Variants in MSMO1 observed in about 807,000 individuals in gnomAD.
The protein encoded by MSMO1 is methylsterol monooxygenase 1, also known as C-4 methylsterol oxidase.
A neutral mutation model predicts 30.4 loss-of-function variants in MSMO1; 18 were observed. That is an observed-to-expected ratio of 0.59 (90% CI 0.41 to 0.88). MSMO1 has a LOEUF of 0.88. Ranked by LOEUF, MSMO1 falls within the 40% of genes least tolerant of loss-of-function variation. The pLI, the probability that MSMO1 is intolerant of heterozygous loss-of-function variation, is 0.00. For synonymous variants in MSMO1, 84 were observed against 107.9 expected (o/e 0.78, Z 1.37); for missense variants, 284 against 340.5 (o/e 0.83, Z 1.31).
chr4:165,339,096 C>CTTTTTTTTTTTTTTTTTTT lies in MSMO1; in HGVS notation c.531+325_531+343dup, dbSNP rs869192459. On this transcript the variant is annotated intron_variant, in intron 4 of 5. Transcript: ENST00000261507. Reference sequence around the variant, plus strand: ...AAAACAGTAACTTCTATGAGCACTGCTTTTTTTTTTTTTTTTTTTTTTTTT... The same window carrying CTTTTTTTTTTTTTTTTTTT: ...AAAACAGTAACTTCTATGAGCACTGCTTTTTTTTTTTTTTTTTTTTTTTTTTTTTTTTTTTTTTTTTTTT... Among the ~76,000 whole-genome samples, 4 of 60,522 alleles carry CTTTTTTTTTTTTTTTTTTT rather than the reference C, an allele frequency of 6.6e-5. 1 individual carries two copies. Among genetic ancestry groups the CTTTTTTTTTTTTTTTTTTT allele is most frequent in the Non-Finnish European group, 1.1e-4 (4 of 36,678 alleles). The allele number at this position is 60,522 out of a possible 152,430, so 39.7% of individuals were successfully genotyped here. A position where few individuals can be genotyped will look rare whatever the true frequency, so the allele number is the denominator to read the frequency against.
chr4:165,331,578 G>A (rs1483548636), intron 1 of MSMO1, among the ~76,000 whole-genome samples: 1 of 152,326 alleles, frequency 6.6e-6, no homozygotes, highest in East Asian at 1.9e-4. Flanking sequence ...GGCCTGAAGT[G>A]AATTCAGATG....
chr4:165,335,572 T>C (rs1747517418), intron 2 of MSMO1, among the ~76,000 whole-genome samples: 1 of 152,224 alleles, frequency 6.6e-6, no homozygotes, highest in Non-Finnish European at 1.5e-5. Flanking sequence ...TTCATTGTAA[T>C]TCATTGTATG....
rs1233010356 is a variant in MSMO1, at chr4:165,341,854, A to G, written c.790A>G (p.Thr264Ala). 4.3e-6 allele frequency: 7 copies of G among 1,613,274 alleles called. No homozygotes were observed. Among genetic ancestry groups the G allele is most frequent in the East Asian group, 2.2e-5 (1 of 44,816 alleles). Reference protein sequence around the residue: ...HMNFIGNYASTFTWWDRIFGT... With the variant: ...HMNFIGNYASAFTWWDRIFGT... ...GAACTTCATTGGAAACTATGCTTCAACATTTACATGGTGGGATCGAATTTT... is the reference window on the plus strand; with the variant it reads ...GAACTTCATTGGAAACTATGCTTCAGCATTTACATGGTGGGATCGAATTTT... Residue 264 changes from threonine to alanine, a missense_variant, in exon 6 of 6, where the codon ACA (threonine) becomes GCA (alanine). By Grantham distance (58) the Thr-to-Ala change is moderately conservative. Coordinates refer to ENST00000261507, the MANE Select transcript of MSMO1 (RefSeq NM_006745.5).
At chr4:165,335,625 T>G (rs977784581) in intron 2 of MSMO1, among the ~76,000 whole-genome samples, 3 of 152,312 alleles carry the variant, frequency 2.0e-5, no homozygotes, top group African/African-American at 7.2e-5. Flanking sequence ...CACTGCAGTT[T>G]GTAACTGACT....
rs900758963 is a variant in MSMO1 at position 165,331,930 on chromosome 4, C to T, written c.-31-1410C>T. 9.4e-5 allele frequency among the ~76,000 whole-genome samples: 14 copies of T among 148,336 alleles called. No individual in the cohort carries two copies. In the East Asian group the frequency reaches 1.7e-3, roughly 18 times the overall value. ...TCCATAACACTATTTCCTACCCCGC[C>T]GCGCTCTGTCTTCCGTAACACTCTC... On this transcript the variant is annotated intron_variant, in intron 1 of 5. Transcript: ENST00000261507.
chr4:165,333,880 A>G (rs1210902062), intron 2 of MSMO1, among the ~76,000 whole-genome samples: 1 of 152,222 alleles, frequency 6.6e-6, no homozygotes, highest in Non-Finnish European at 1.5e-5. Flanking sequence ...CTGTAATTCC[A>G]GCACTTTGGG....
At chr4:165,333,217 G>T in intron 1 of MSMO1, 123 bp from the exon 2 acceptor site, 1 of 739,878 alleles carries the variant, frequency 1.4e-6, no homozygotes, top group South Asian at 2.7e-5. Context: ...TAATTTTTTG[G>T]TAAAAAATTT....
In MSMO1 at chr4:165,333,385, A is replaced by T. The variant is rs1390648360; in HGVS notation, c.15A>T (p.Glu5Asp). Reference protein sequence around the residue: MATNESVSIFSSASL... With the variant: MATNDSVSIFSSASL... The stretch of plus-strand genomic sequence containing the variant: ...AGATTTGAAAAATGGCAACAAATGA[A>T]AGTGTCAGCATCTTTAGTTCAGCAT... Residue 5 changes from glutamate (E) to aspartate (D), a missense_variant, in exon 2 of 6, where the codon GAA (glutamate) becomes GAT (aspartate). By Grantham distance (45) the Glu-to-Asp change is conservative. Coordinates refer to ENST00000261507, the MANE Select transcript of MSMO1 (RefSeq NM_006745.5). 4 of 1,611,696 alleles carry T rather than the reference A, an allele frequency of 2.5e-6. No individual in the cohort carries two copies. In the African/African-American group the frequency reaches 5.3e-5, roughly 22 times the overall value.
chr4:165,338,696 A>G lies in MSMO1; in HGVS notation c.449A>G (p.Asp150Gly). 3.7e-6 allele frequency: 6 copies of G among 1,608,082 alleles called. No individual in the cohort carries two copies. Among genetic ancestry groups the G allele is most frequent in the Non-Finnish European group, 5.1e-6 (6 of 1,174,682 alleles). ...TGCTTTGGTTGTGCAGTCATTGAAG[A>G]TACTTGGCACTATTTTCTGCATAGA... is the stretch of plus-strand genomic sequence containing the variant. ...ARCFGCAVIE[D>G]TWHYFLHRLL... Residue 150 changes from aspartate to glycine, a missense_variant, in exon 4 of 6, where the codon GAT becomes GGT. Coordinates refer to ENST00000261507, the MANE Select transcript of MSMO1 (RefSeq NM_006745.5).
In MSMO1 at chr4:165,338,329, T is replaced by C. The variant is rs13152221; in HGVS notation, c.405-323T>C. Among the ~76,000 whole-genome samples, 10,725 of 142,618 alleles carry C rather than the reference T, an allele frequency of 0.075. 454 individuals carry two copies. The highest frequency in any genetic ancestry group is 0.092 in the African/African-American group (3,646 of 39,614). The allele number at this position is 142,618 out of a possible 152,430, so 93.6% of individuals were successfully genotyped here. A position where few individuals can be genotyped will look rare whatever the true frequency, so the allele number is the denominator to read the frequency against. On this transcript the variant is annotated intron_variant, in intron 3 of 5. Transcript: ENST00000261507. ...GTGTATATATATATATATATATATA[T>C]ACACACATATATATATACACACACA...
intron 3 of MSMO1, 56 bp downstream of exon 3, chr4:165,337,993 A>C: frequency 1.3e-6 from 2 of 1,483,526 alleles, no homozygotes; most frequent in Non-Finnish European, 1.9e-6. Flanking sequence ...CAGTTAAGTT[A>C]TACTTAATGT....
intron 1 of MSMO1, among the ~76,000 whole-genome samples, chr4:165,328,610 C>T (rs1465447951): frequency 2.0e-5 from 3 of 152,112 alleles, no homozygotes; most frequent in Non-Finnish European, 4.4e-5. Context: ...TTCTGAGAAT[C>T]CACAAATAAC....
At chr4:165,333,654 T>C (rs1222950909) in intron 2 of MSMO1, 29 bp downstream of exon 2, 2 of 1,540,514 alleles carry the variant, frequency 1.3e-6, no homozygotes, top group South Asian at 2.4e-5. Context: ...AAATAGAATA[T>C]TATCATTAAT....
At chr4:165,341,134 A>T (rs1050252699) in intron 5 of MSMO1, among the ~76,000 whole-genome samples, 2 of 152,000 alleles carry the variant, frequency 1.3e-5, no homozygotes, top group African/African-American at 4.8e-5. Context: ...GTATAACTGG[A>T]TGTCTGATTG....
chr4:165,343,155 T>C lies in MSMO1; in HGVS notation c.*1209T>C. On this transcript the variant is annotated 3_prime_UTR_variant, in exon 6 of 6. Transcript: ENST00000261507. The stretch of plus-strand genomic sequence containing the variant: ...CAGAAATCATTAAATTATTAAGTTG[T>C]ACAATAAAAGGATTGGTTTCTTTTC... 6.7e-6 allele frequency: 1 copy of C among 148,988 alleles called. No individual in the cohort carries two copies. The highest frequency in any genetic ancestry group is 1.9e-4 in the East Asian group (1 of 5,162). The allele number at this position is 148,988 out of a possible 1,614,324, so 9.2% of individuals were successfully genotyped here.
rs369384689 is a variant in MSMO1, at chr4:165,341,979, G to A, written c.*33G>A. On this transcript the variant is annotated 3_prime_UTR_variant, in exon 6 of 6. Transcript: ENST00000261507. ...ACGTAAACCTTCCTGAAAGATAAACGTTTTCCTGAATTCAGAAACTAGTAG... is the reference window on the plus strand; with the variant it reads ...ACGTAAACCTTCCTGAAAGATAAACATTTTCCTGAATTCAGAAACTAGTAG... 100 of 1,553,212 alleles carry A rather than the reference G, an allele frequency of 6.4e-5. 5 individuals carry two copies. In the East Asian group the frequency reaches 7.2e-4, roughly 11 times the overall value.
chr4:165,340,376 G>A lies in MSMO1; in HGVS notation c.686+1G>A. On this transcript the variant is annotated splice_donor_variant, in intron 5 of 5. Coordinates refer to ENST00000261507, the MANE Select transcript of MSMO1 (RefSeq NM_006745.5). LOFTEE classifies it high-confidence loss of function. ...TATTAGAAACTATTGATGTCCATAG[G>A]TGAGTATTAATTTCTGTTCAGGTAT... is the stretch of plus-strand genomic sequence containing the variant. 1 of 1,610,884 alleles carries A rather than the reference G, an allele frequency of 6.2e-7. No homozygotes were observed. Among genetic ancestry groups the A allele is most frequent in the Non-Finnish European group, 8.5e-7 (1 of 1,177,556 alleles).
At position 165,342,111 on chromosome 4, in the gene MSMO1, T is replaced by C. The variant is rs1747731815; in HGVS notation, c.*165T>C. ...CCTTCCTAGTGGGAACTTTTTCTAC[T>C]TTACCTACAAGTTCTATATATGTAG... is the stretch of plus-strand genomic sequence containing the variant. On this transcript the variant is annotated 3_prime_UTR_variant, in exon 6 of 6. Transcript: ENST00000261507. The C allele has an allele frequency of 1.6e-6, 1 of 608,620 alleles. No individual in the cohort carries two copies. The highest frequency in any genetic ancestry group is 2.9e-6 in the Non-Finnish European group (1 of 347,460). The allele number at this position is 608,620 out of a possible 1,614,324, so 37.7% of individuals were successfully genotyped here.
chr4:165,333,084 ATTGTTC>A (rs1160239256), intron 1 of MSMO1, among the ~76,000 whole-genome samples: 2 of 152,098 alleles, frequency 1.3e-5, no homozygotes, highest in Non-Finnish European at 2.9e-5. Context: ...TTTTTCCCCT[ATTGTTC>A]TTTTAGCTAT....
Sources: gnomAD v4.1 joint callset for allele counts (sites outside exome capture counted in the v4.1 genomes callset) on GRCh38, gnomAD v4.1.1 for gene constraint, MANE v1.5 for transcripts, NCBI Gene and HGNC (gene_info 2026-07-23, HGNC 2026-07-21) for gene names.